The following FOXN3 variants were observed in gnomAD, a reference collection of about 807,000 sequenced individuals.
The protein encoded by FOXN3 is forkhead box protein N3.
A neutral mutation model predicts 38.4 loss-of-function variants in FOXN3; 7 were observed. That is an observed-to-expected ratio of 0.18 (90% CI 0.10 to 0.34). FOXN3 has a LOEUF of 0.34. Ranked by LOEUF, FOXN3 falls within the 10% of genes least tolerant of loss-of-function variation. The probability of loss-of-function intolerance (pLI) is 1.00; values close to 1 mark genes in which losing one functional copy is unlikely to be tolerated. For synonymous variants in FOXN3, 230 were observed against 242.2 expected (o/e 0.95, Z 0.47); for missense variants, 456 against 613.4 (o/e 0.74, Z 2.71).
At chr14:89,307,191 C>A (rs749192419) in intron 3 of FOXN3, among the ~76,000 whole-genome samples, 3 of 152,264 alleles carry the variant, frequency 2.0e-5, no homozygotes, top group East Asian at 1.9e-4. Context: ...CCCTGTGGAA[C>A]GCTAATCTAA....
chr14:89,310,169 G>T (rs529451000), intron 3 of FOXN3, among the ~76,000 whole-genome samples: 11 of 152,200 alleles, frequency 7.2e-5, no homozygotes, highest in Non-Finnish European at 1.6e-4. Flanking sequence ...CTGCTACAAT[G>T]AATAGCTTAG....
intron 1 of FOXN3, among the ~76,000 whole-genome samples, chr14:89,442,410 T>A (rs1892406302): frequency 6.6e-6 from 1 of 152,142 alleles, no homozygotes; most frequent in Non-Finnish European, 1.5e-5. Context: ...GGGAAACAGG[T>A]CTGCTCTCTC....
chr14:89,169,031 T>A (rs892966129), intron 5 of FOXN3, among the ~76,000 whole-genome samples: 2 of 152,092 alleles, frequency 1.3e-5, no homozygotes, highest in African/African-American at 4.8e-5. Flanking sequence ...CAGGCAAAAA[T>A]TCAGGACTTT....
intron 3 of FOXN3, among the ~76,000 whole-genome samples, chr14:89,346,780 A>G (rs1202019375): frequency 6.6e-6 from 1 of 152,202 alleles, no homozygotes; most frequent in Non-Finnish European, 1.5e-5. Context: ...GTGGAGAAAG[A>G]GCTACATCAA....
At chr14:89,520,327 C>CA (rs1170892113) in intron 1 of FOXN3, among the ~76,000 whole-genome samples, 16 of 152,118 alleles carry the variant, frequency 1.1e-4, no homozygotes, top group Admixed American at 1.0e-3. Context: ...CTTGACCTCC[C>CA]AGGCTCAAGC....
chr14:89,608,220 T>C (rs1277053975), intron 1 of FOXN3, among the ~76,000 whole-genome samples: 1 of 152,278 alleles, frequency 6.6e-6, no homozygotes, highest in African/African-American at 2.4e-5. Flanking sequence ...ATGGTCTCGA[T>C]CTCCCGACCT....
chr14:89,336,744 A>G (rs551486019), intron 3 of FOXN3, among the ~76,000 whole-genome samples: 1 of 152,344 alleles, frequency 6.6e-6, no homozygotes, highest in East Asian at 1.9e-4. Flanking sequence ...AATAAATTTA[A>G]AATTCTTTAC....
intron 3 of FOXN3, among the ~76,000 whole-genome samples, chr14:89,315,181 C>A (rs534846808): frequency 6.6e-6 from 1 of 152,104 alleles, no homozygotes; most frequent in South Asian, 2.1e-4. Context: ...CAAAGACCAT[C>A]GATCCTTTTT....
At chr14:89,524,394 AAAAAAAAAAGAAAG>A (rs1174904508) in intron 1 of FOXN3, among the ~76,000 whole-genome samples, 2 of 97,128 alleles carry the variant, frequency 2.1e-5, no homozygotes, top group African/African-American at 1.1e-4. Flanking sequence ...AAAAAAAAAA[AAAAAAAAAAGAAAG>A]AAAGAAACTA....
chr14:89,603,130 A>C (rs1249612284), intron 1 of FOXN3, among the ~76,000 whole-genome samples: 2 of 152,098 alleles, frequency 1.3e-5, no homozygotes, highest in Non-Finnish European at 2.9e-5. Context: ...GGAAAAAAAA[A>C]CAAATTGAGC....
At chr14:89,575,275 C>T (rs1895585085) in intron 1 of FOXN3, among the ~76,000 whole-genome samples, 1 of 152,166 alleles carries the variant, frequency 6.6e-6, no homozygotes, top group Non-Finnish European at 1.5e-5. Context: ...AAGGACCTTG[C>T]TATCTGGGTA....
chr14:89,233,171 A>C (rs922116540), intron 4 of FOXN3, among the ~76,000 whole-genome samples: 7 of 152,358 alleles, frequency 4.6e-5, no homozygotes, highest in Non-Finnish European at 1.0e-4. Flanking sequence ...AAAGCTACCA[A>C]GATGCTGTAT....
At chr14:89,259,757 C>T (rs1393960802) in intron 4 of FOXN3, among the ~76,000 whole-genome samples, 1 of 152,218 alleles carries the variant, frequency 6.6e-6, no homozygotes, top group Non-Finnish European at 1.5e-5. Context: ...TCGGCAGAAA[C>T]TTCCAGGCTT....
At chr14:89,309,017 C>T (rs868166158) in intron 3 of FOXN3, among the ~76,000 whole-genome samples, 2 of 152,098 alleles carry the variant, frequency 1.3e-5, no homozygotes, top group Non-Finnish European at 1.5e-5. Flanking sequence ...TGGTCTGGGG[C>T]CTGTGTATGG....
intron 3 of FOXN3, among the ~76,000 whole-genome samples, chr14:89,289,085 G>C (rs1175014864): frequency 6.6e-6 from 1 of 151,150 alleles, no homozygotes; most frequent in East Asian, 1.9e-4. Context: ...AGGAGGCTTA[G>C]GCACAAGAAT....
intron 1 of FOXN3, among the ~76,000 whole-genome samples, chr14:89,510,025 C>T (rs1894023752): frequency 6.6e-6 from 1 of 152,168 alleles, no homozygotes; most frequent in South Asian, 2.1e-4. Flanking sequence ...AATGGAATTC[C>T]CCCTTCCTCC....
intron 4 of FOXN3, among the ~76,000 whole-genome samples, chr14:89,186,604 G>A (rs1016923899): frequency 2.0e-5 from 3 of 152,196 alleles, no homozygotes; most frequent in Non-Finnish European, 2.9e-5. Context: ...AGGGGGTAAT[G>A]AGCCAGCCAT....
At chr14:89,233,411 G>A (rs74486972) in intron 4 of FOXN3, among the ~76,000 whole-genome samples, 2,288 of 152,298 alleles carry the variant, frequency 0.015, 52 homozygotes, top group Admixed American at 0.063. Context: ...TAGGTGTGAT[G>A]AGTCCATGAA....
intron 2 of FOXN3, chr14:89,401,738 A>G (rs992294274): frequency 2.5e-5 from 11 of 447,060 alleles, no homozygotes; most frequent in Non-Finnish European, 5.0e-5. Flanking sequence ...CATTAGTTAA[A>G]TCACTTATCG....
Sources: allele counts gnomAD v4.1 joint callset (sites outside exome capture counted in the v4.1 genomes callset), GRCh38; gene constraint gnomAD v4.1.1; transcripts MANE v1.5; gene names NCBI Gene and HGNC (gene_info 2026-07-23, HGNC 2026-07-21).